SLC25A21: variants seen among roughly 807,000 people sequenced by gnomAD.
The protein encoded by SLC25A21 is mitochondrial 2-oxodicarboxylate carrier.
Under a neutral mutation model 43.8 loss-of-function variants are expected in SLC25A21, and 47 were observed. That is an observed-to-expected ratio of 1.07 (90% CI 0.85 to 1.37). SLC25A21 has a LOEUF of 1.37. Ranked by LOEUF, SLC25A21 falls within the 40% of genes most tolerant of loss-of-function variation. The pLI, the probability that SLC25A21 is intolerant of heterozygous loss-of-function variation, is 0.00. For missense variants in SLC25A21, 352 were observed against 350.2 expected (o/e 1.00, Z -0.04); for synonymous variants, 131 against 121.3 (o/e 1.08, Z -0.52).
intron 6 of SLC25A21, among the ~76,000 whole-genome samples, chr14:36,723,864 T>G (rs1234708255): frequency 6.6e-6 from 1 of 152,164 alleles, no homozygotes; most frequent in Non-Finnish European, 1.5e-5. Context: ...GATAAAGAAT[T>G]GCAGCTCAAG....
At chr14:36,684,975 A>C (rs1594485443) in intron 7 of SLC25A21, 50 bp from the exon 8 acceptor site, 1 of 1,489,234 alleles carries the variant, frequency 6.7e-7, no homozygotes, top group African/African-American at 1.4e-5. Flanking sequence ...GAAGCCCCTA[A>C]ATCAGTTAAA....
At chr14:37,043,946 T>A (rs35798215) in intron 1 of SLC25A21, among the ~76,000 whole-genome samples, 4 of 146,996 alleles carry the variant, frequency 2.7e-5, no homozygotes, top group Admixed American at 2.7e-4. Flanking sequence ...TTTTGTTTTT[T>A]TTTTTTTTTT....
intron 2 of SLC25A21, among the ~76,000 whole-genome samples, chr14:36,850,235 G>T (rs1889681744): frequency 6.6e-6 from 1 of 152,152 alleles, no homozygotes; most frequent in Non-Finnish European, 1.5e-5. Context: ...ATTCATATTT[G>T]CAAAGAAGTA....
chr14:36,961,043 T>C (rs889367272), intron 1 of SLC25A21, among the ~76,000 whole-genome samples: 5 of 152,034 alleles, frequency 3.3e-5, no homozygotes, highest in African/African-American at 1.2e-4. Flanking sequence ...GTTTGAGGTG[T>C]TGGTTCTCAA....
At chr14:37,102,271 T>C (rs1962830509) in intron 1 of SLC25A21, among the ~76,000 whole-genome samples, 1 of 151,792 alleles carries the variant, frequency 6.6e-6, no homozygotes, top group South Asian at 2.1e-4. Flanking sequence ...TGAAACCCCA[T>C]CTCTACTAAA....
At chr14:36,830,284 G>A (rs184158940) in intron 2 of SLC25A21, among the ~76,000 whole-genome samples, 7 of 152,304 alleles carry the variant, frequency 4.6e-5, no homozygotes, top group Admixed American at 4.6e-4. Context: ...AGCAAAAGAT[G>A]CTACCTAAGC....
intron 1 of SLC25A21, among the ~76,000 whole-genome samples, chr14:36,970,419 T>C (rs746378316): frequency 3.9e-5 from 6 of 152,204 alleles, no homozygotes; most frequent in Non-Finnish European, 8.8e-5. Context: ...CATGCATGTA[T>C]ACACCTTTAG....
At chr14:36,913,582 G>A (rs1891748565) in intron 1 of SLC25A21, among the ~76,000 whole-genome samples, 1 of 152,166 alleles carries the variant, frequency 6.6e-6, no homozygotes, top group African/African-American at 2.4e-5. Context: ...GGCATGTTTG[G>A]AAGGATAAGA....
At chr14:36,995,103 G>T (rs1019480484) in intron 1 of SLC25A21, among the ~76,000 whole-genome samples, 1 of 152,116 alleles carries the variant, frequency 6.6e-6, no homozygotes, top group Non-Finnish European at 1.5e-5. Context: ...GAGATGATTT[G>T]TATGATGTCT....
chr14:36,956,742 A>G lies in SLC25A21; in HGVS notation c.71-81738T>C, dbSNP rs1477899614. Reference sequence around the variant, plus strand: ...TTACGAATAATGGGGATATCCATCAAAGCTGAAGGAAAAAAAACAGAACTG... The same window carrying G: ...TTACGAATAATGGGGATATCCATCAGAGCTGAAGGAAAAAAAACAGAACTG... On this transcript the variant is annotated intron_variant, in intron 1 of 9. Coordinates refer to ENST00000331299, the MANE Select transcript of SLC25A21 (RefSeq NM_030631.4). Among the ~76,000 whole-genome samples, 6 of 152,328 alleles carry G rather than the reference A, an allele frequency of 3.9e-5. No individual in the cohort carries two copies. The East Asian group carries it at 7.7e-4, about 20-fold the overall frequency.
chr14:37,096,237 C>T (rs1390944941), intron 1 of SLC25A21, among the ~76,000 whole-genome samples: 2 of 152,032 alleles, frequency 1.3e-5, no homozygotes, highest in African/African-American at 4.8e-5. Flanking sequence ...AAATGCATTG[C>T]CGTTTTATTG....
chr14:37,073,674 C>A (rs886332172), intron 1 of SLC25A21, among the ~76,000 whole-genome samples: 14 of 152,160 alleles, frequency 9.2e-5, no homozygotes, highest in African/African-American at 1.9e-4. Flanking sequence ...GCCCCTGCTA[C>A]CCTGGACTTT....
At chr14:37,093,237 C>A (rs1485495534) in intron 1 of SLC25A21, among the ~76,000 whole-genome samples, 1 of 152,160 alleles carries the variant, frequency 6.6e-6, no homozygotes, top group East Asian at 1.9e-4. Context: ...TACATCCAAT[C>A]AAGAACGATT....
At chr14:36,747,108 G>T (rs1486657988) in intron 3 of SLC25A21, among the ~76,000 whole-genome samples, 1 of 152,116 alleles carries the variant, frequency 6.6e-6, no homozygotes, top group Non-Finnish European at 1.5e-5. Flanking sequence ...CAGTTGGAAT[G>T]ACTTGCATAT....
rs199977894 is a variant in SLC25A21, at chr14:36,680,659, C to T, written c.899G>A (p.Ter300=). The change falls in exon 10 of 10, where the codon TGA becomes TAA. Residue 300 remains the stop codon, a stop_retained_variant. Coordinates refer to ENST00000331299, the MANE Select transcript of SLC25A21 (RefSeq NM_030631.4). ...YTYSWLQENW[*] is the part of the protein sequence containing the mutation. ...GGGGGAAAAACACTTCATAGGCAAT[C>T]ACCAGTTCTCTTGAAGCCATGAATA... The T allele has an allele frequency of 1.5e-5, 24 of 1,612,562 alleles. No individual in the cohort carries two copies. The highest frequency in any genetic ancestry group is 3.3e-4 in the Middle Eastern group (2 of 6,062).
Position 36,679,162 on chromosome 14 carries a change from G to A in SLC25A21, c.*1496C>T. 1.0e-6 allele frequency: 1 copy of A among 985,322 alleles called. No homozygotes were observed. 61.0% of individuals were successfully genotyped at this position (985,322 alleles called of 1,614,324 possible). A position where few individuals can be genotyped will look rare whatever the true frequency, so the allele number is the denominator to read the frequency against. ...AAGGATAGAATGCAGTTGTGCAACAGAGACACATTCTTATTTCTTTTTTTT... is the reference window on the plus strand; with the variant it reads ...AAGGATAGAATGCAGTTGTGCAACAAAGACACATTCTTATTTCTTTTTTTT... On this transcript the variant is annotated 3_prime_UTR_variant, in exon 10 of 10. Transcript: ENST00000331299.
chr14:36,997,192 G>A (rs1960389678), intron 1 of SLC25A21, among the ~76,000 whole-genome samples: 1 of 152,048 alleles, frequency 6.6e-6, no homozygotes, highest in Non-Finnish European at 1.5e-5. Context: ...TTGAAAACAG[G>A]GTGACATAAT....
chr14:36,730,428 A>G (rs1884771718), intron 4 of SLC25A21, among the ~76,000 whole-genome samples: 1 of 152,206 alleles, frequency 6.6e-6, no homozygotes, highest in South Asian at 2.1e-4. Context: ...AAGTTCTGCT[A>G]GAGTCTGATT....
chr14:36,686,912 G>T (rs1212049473), intron 7 of SLC25A21, among the ~76,000 whole-genome samples: 1 of 152,146 alleles, frequency 6.6e-6, no homozygotes, highest in Non-Finnish European at 1.5e-5. Flanking sequence ...CCAGGCCATC[G>T]TATCATAGTG....
Sources: allele counts gnomAD v4.1 joint callset (sites outside exome capture counted in the v4.1 genomes callset), GRCh38; gene constraint gnomAD v4.1.1; transcripts MANE v1.5; gene names NCBI Gene and HGNC (gene_info 2026-07-23, HGNC 2026-07-21).